Variants in SPATA13 observed in about 807,000 individuals in gnomAD.
The protein encoded by SPATA13 is spermatogenesis associated 13.
SPATA13 carries 50 observed loss-of-function variants against 104.0 expected under a neutral mutation model. The ratio of observed to expected loss-of-function variants is 0.48; its 90% CI spans 0.38 to 0.61. The LOEUF is 0.61. Among genes scored for constraint, SPATA13 ranks in the 20% least tolerant of loss-of-function variants. The pLI is 0.00. For missense variants in SPATA13, 1,524 were observed against 1,690.6 expected (o/e 0.90, Z 1.73); for synonymous variants, 606 against 667.5 (o/e 0.91, Z 1.42).
chr13:24,099,440 CA>C (rs1880185656), intron 3 of SPATA13, among the ~76,000 whole-genome samples: 1 of 152,200 alleles, frequency 6.6e-6, no homozygotes, highest in African/African-American at 2.4e-5. Context: ...GGCCACATTC[CA>C]AGTCGTCAGT....
chr13:24,218,161 A>T (rs1483505506), intron 1 of SPATA13, among the ~76,000 whole-genome samples: 1 of 152,216 alleles, frequency 6.6e-6, no homozygotes, highest in Admixed American at 6.5e-5. Flanking sequence ...ACCCATCTGC[A>T]GTGTGGAATG....
At chr13:24,249,983 T>C in intron 3 of SPATA13, 141 bp downstream of exon 3, 1 of 1,139,068 alleles carries the variant, frequency 8.8e-7, no homozygotes, top group Non-Finnish European at 1.2e-6. Context: ...CTTTTCTTCC[T>C]GACTGTGTGA....
chr13:24,221,447 TAA>T (rs1871581081), intron 1 of SPATA13, among the ~76,000 whole-genome samples: 1 of 151,976 alleles, frequency 6.6e-6, no homozygotes, highest in Non-Finnish European at 1.5e-5. Flanking sequence ...ACTTGAAGGC[TAA>T]GCAGGTCTTG....
intron 4 of SPATA13, among the ~76,000 whole-genome samples, chr13:24,279,770 G>T (rs533512849): frequency 6.6e-6 from 1 of 152,344 alleles, no homozygotes; most frequent in Non-Finnish European, 1.5e-5. Flanking sequence ...TAGGAAGTTA[G>T]TGAAGCAAGG....
chr13:24,085,892 A>G (rs1288747985), intron 3 of SPATA13, among the ~76,000 whole-genome samples: 1 of 152,260 alleles, frequency 6.6e-6, no homozygotes, highest in Non-Finnish European at 1.5e-5. Context: ...GGGCGCAGCC[A>G]CAGAGTAAAC....
At chr13:24,019,387 C>A (rs1390186043) in intron 3 of SPATA13, among the ~76,000 whole-genome samples, 1 of 152,138 alleles carries the variant, frequency 6.6e-6, no homozygotes, top group Non-Finnish European at 1.5e-5. Flanking sequence ...CACACCCGGC[C>A]ATGATTCTTA....
intron 2 of SPATA13, among the ~76,000 whole-genome samples, chr13:24,010,781 G>T (rs1876438079): frequency 6.6e-6 from 1 of 152,068 alleles, no homozygotes; most frequent in African/African-American, 2.4e-5. Flanking sequence ...TGGCAAGCAA[G>T]GCAGGGCCAG....
At chr13:24,199,958 G>T (rs1487289505) in intron 1 of SPATA13, among the ~76,000 whole-genome samples, 1 of 152,070 alleles carries the variant, frequency 6.6e-6, no homozygotes, top group East Asian at 1.9e-4. Flanking sequence ...CACTGGAATC[G>T]GACCATCTGG....
In SPATA13 at chr13:24,223,517, C is replaced by T. The variant is rs1871729957; in HGVS notation, c.588C>T (p.Ser196=). The T allele has an allele frequency of 6.5e-7, 1 of 1,548,444 alleles. No individual in the cohort carries two copies. Among genetic ancestry groups the T allele is most frequent in the Non-Finnish European group, 8.7e-7 (1 of 1,146,992 alleles). The change falls in exon 2 of 13, where the codon AGC becomes AGT. Residue 196 remains serine (S), a synonymous_variant. Transcript: ENST00000382108. Reference sequence around the variant, plus strand: ...ACACGGACGATGCCTTCCAGCGGAGCACACACCGCTCCCGCAGCCTCCGCA... The same window carrying T: ...ACACGGACGATGCCTTCCAGCGGAGTACACACCGCTCCCGCAGCCTCCGCA... ...LEDTDDAFQR[S]THRSRSLRRA...
chr13:24,198,973 G>T (rs1301643391), intron 1 of SPATA13, among the ~76,000 whole-genome samples: 1 of 143,742 alleles, frequency 7.0e-6, no homozygotes, highest in Non-Finnish European at 1.5e-5. Context: ...TTTTAAGGCA[G>T]GGTCTTACTC....
chr13:24,144,946 T>C (rs1881882085), intron 3 of SPATA13, among the ~76,000 whole-genome samples: 1 of 152,194 alleles, frequency 6.6e-6, no homozygotes, highest in Admixed American at 6.5e-5. Flanking sequence ...GGATGAATAT[T>C]TCATTAGACC....
rs148955601 is a variant in SPATA13 at position 24,107,392 on chromosome 13, T to C, written c.-112+89691T>C. On this transcript the variant is annotated intron_variant, in intron 3 of 14. Transcript: ENST00000424834. ...CCTCATCACAGTCTCTACTATGTTG[T>C]CCCAAGGAGCCCGAAAAATGGTTGC... Among the ~76,000 whole-genome samples, 539 of 152,144 alleles carry C rather than the reference T, an allele frequency of 3.5e-3. 2 individuals carry two copies. Among genetic ancestry groups the C allele is most frequent in the Middle Eastern group, 6.8e-3 (2 of 294 alleles).
At chr13:24,010,713 C>A (rs1416810388) in intron 2 of SPATA13, among the ~76,000 whole-genome samples, 1 of 152,072 alleles carries the variant, frequency 6.6e-6, no homozygotes, top group South Asian at 2.1e-4. Flanking sequence ...TTCCTCCCCA[C>A]TCCTCCCTCC....
At chr13:24,279,619 T>C (rs1875344057) in intron 4 of SPATA13, among the ~76,000 whole-genome samples, 1 of 152,170 alleles carries the variant, frequency 6.6e-6, no homozygotes, top group African/African-American at 2.4e-5. Context: ...TTGAATCAGA[T>C]CTGCCAGTGA....
chr13:24,022,972 G>A (rs1296794649), intron 3 of SPATA13, among the ~76,000 whole-genome samples: 1 of 151,890 alleles, frequency 6.6e-6, no homozygotes, highest in African/African-American at 2.4e-5. Context: ...TAAGTTCTAG[G>A]GTACATGTGC....
intron 3 of SPATA13, among the ~76,000 whole-genome samples, chr13:24,138,699 T>A (rs1881654259): frequency 6.6e-6 from 1 of 151,278 alleles, no homozygotes; most frequent in Non-Finnish European, 1.5e-5. Context: ...TTCTCCCACC[T>A]CAGCCTCCTG....
intron 1 of SPATA13, among the ~76,000 whole-genome samples, chr13:24,171,564 C>T (rs1882970342): frequency 6.6e-6 from 1 of 152,208 alleles, no homozygotes; most frequent in African/African-American, 2.4e-5. Flanking sequence ...AATGGCCCAA[C>T]AAGGAGGTGG....
chr13:24,246,902 C>T (rs1013777377), intron 2 of SPATA13, among the ~76,000 whole-genome samples: 1 of 151,706 alleles, frequency 6.6e-6, no homozygotes, highest in African/African-American at 2.4e-5. Flanking sequence ...AGAATTTAAG[C>T]AGTATGTGGC....
chr13:24,113,281 C>T (rs763859842), intron 3 of SPATA13, among the ~76,000 whole-genome samples: 1 of 152,178 alleles, frequency 6.6e-6, no homozygotes, highest in Non-Finnish European at 1.5e-5. Context: ...GTAGTGACAC[C>T]AATTCTCTTG....
Sources: allele counts gnomAD v4.1 joint callset (sites outside exome capture counted in the v4.1 genomes callset), GRCh38; gene constraint gnomAD v4.1.1; transcripts MANE v1.5; gene names NCBI Gene and HGNC (gene_info 2026-07-23, HGNC 2026-07-21).